The following DLC1 variants were observed in gnomAD, a reference collection of about 807,000 sequenced individuals.
DLC1 encodes the protein DLC1 Rho GTPase activating protein.
Under a neutral mutation model 140.3 loss-of-function variants are expected in DLC1, and 54 were observed. The observed-to-expected ratio is 0.38, with a 90% confidence interval of 0.31 to 0.48. The LOEUF is 0.48. DLC1 is among the 20% of genes least tolerant of loss of function. The pLI, the probability that DLC1 is intolerant of heterozygous loss-of-function variation, is 0.96. For synonymous variants in DLC1, 986 were observed against 728.1 expected, an observed-to-expected ratio of 1.35 and a Z score of -5.70; for missense variants, 2,536 against 1,907.0, an observed-to-expected ratio of 1.33 and a Z score of -6.14.
chr8:13,330,170 G>T (rs1364928801), intron 4 of DLC1, among the ~76,000 whole-genome samples: 1 of 152,000 alleles, frequency 6.6e-6, no homozygotes, highest in Non-Finnish European at 1.5e-5. Flanking sequence ...TTGCTATGTT[G>T]CCCAGGATGG....
intron 5 of DLC1, among the ~76,000 whole-genome samples, chr8:13,164,161 G>C (rs1017756241): frequency 2.6e-5 from 4 of 152,144 alleles, no homozygotes; most frequent in Non-Finnish European, 5.9e-5. Context: ...AGCTGGGTGT[G>C]GTGGCAGGCG....
At chr8:13,586,930 G>C (rs1214004139) in intron 1 of DLC1, among the ~76,000 whole-genome samples, 1 of 152,066 alleles carries the variant, frequency 6.6e-6, no homozygotes, top group East Asian at 1.9e-4. Flanking sequence ...AGACCCACCT[G>C]CATCAGGTGC....
At chr8:13,154,226 C>A (rs1348542415) in intron 5 of DLC1, among the ~76,000 whole-genome samples, 1 of 152,240 alleles carries the variant, frequency 6.6e-6, no homozygotes, top group South Asian at 2.1e-4. Context: ...GCTCCTCAGC[C>A]CTCGGGTGGT....
chr8:13,405,900 TTTC>T (rs1837508586), intron 2 of DLC1, among the ~76,000 whole-genome samples: 1 of 145,122 alleles, frequency 6.9e-6, no homozygotes, highest in South Asian at 2.2e-4. Flanking sequence ...TTTCTTTCTT[TTTC>T]TTTCTTTCTT....
At chr8:13,131,614 G>C (rs1822092048) in intron 5 of DLC1, among the ~76,000 whole-genome samples, 1 of 152,190 alleles carries the variant, frequency 6.6e-6, no homozygotes, top group African/African-American at 2.4e-5. Context: ...TGCAAGCAGG[G>C]GTTTCCTTCT....
At chr8:13,573,464 G>C (rs897952009) in intron 1 of DLC1, among the ~76,000 whole-genome samples, 1 of 152,044 alleles carries the variant, frequency 6.6e-6, no homozygotes, top group African/African-American at 2.4e-5. Flanking sequence ...TTGCATAATT[G>C]CTATGGCTAT....
At chr8:13,523,554 G>A (rs1280689161) in intron 1 of DLC1, among the ~76,000 whole-genome samples, 2 of 152,116 alleles carry the variant, frequency 1.3e-5, no homozygotes, top group African/African-American at 2.4e-5. Context: ...AATCTCAAAC[G>A]TATTTGCAAT....
chr8:13,513,082 T>C (rs905764605), intron 1 of DLC1, among the ~76,000 whole-genome samples: 6 of 151,778 alleles, frequency 4.0e-5, no homozygotes, highest in African/African-American at 1.5e-4. Flanking sequence ...GGCAGGATGA[T>C]GGGATAAAAA....
intron 5 of DLC1, among the ~76,000 whole-genome samples, chr8:13,168,361 T>G: frequency 6.6e-6 from 1 of 152,234 alleles, no homozygotes; most frequent in East Asian, 1.9e-4. Context: ...TATCTAGATC[T>G]CGTTCCAGTT....
intron 1 of DLC1, among the ~76,000 whole-genome samples, chr8:13,538,575 G>A (rs1286759157): frequency 3.9e-5 from 6 of 152,114 alleles, no homozygotes; most frequent in Admixed American, 1.3e-4. Flanking sequence ...AGTTAAGTGA[G>A]GAGTTTACTC....
chr8:13,496,807 TTTTTTTTTTTTG>T (rs538079960), intron 2 of DLC1, among the ~76,000 whole-genome samples: 2,771 of 122,768 alleles, frequency 0.023, 392 homozygotes, highest in African/African-American at 0.082. Context: ...TTTTTTTTTT[TTTTTTTTTTTTG>T]AGATGGAGTT....
chr8:13,599,453 C>T (rs541948113), intron 1 of DLC1, among the ~76,000 whole-genome samples: 1 of 152,018 alleles, frequency 6.6e-6, no homozygotes, highest in East Asian at 1.9e-4. Context: ...TTCTTTCTAA[C>T]ATTTTTGTGT....
chr8:13,304,572 A>C, intron 5 of DLC1: 1 of 704,966 alleles, frequency 1.4e-6, no homozygotes, highest in Non-Finnish European at 1.7e-6. Flanking sequence ...TATAGCTCTT[A>C]AAAATCACAA....
At chr8:13,563,784 A>G (rs886746769) in intron 1 of DLC1, among the ~76,000 whole-genome samples, 3 of 152,228 alleles carry the variant, frequency 2.0e-5, no homozygotes, top group African/African-American at 7.2e-5. Flanking sequence ...ATAGCAAAAA[A>G]ACTAGAAATA....
chr8:13,520,942 A>C (rs1380455368), intron 1 of DLC1, among the ~76,000 whole-genome samples: 1 of 152,104 alleles, frequency 6.6e-6, no homozygotes, highest in Admixed American at 6.6e-5. Context: ...TTCATGGCCA[A>C]AAAAAGGGTC....
chr8:13,133,127 C>T (rs980584973), intron 5 of DLC1: 1 of 1,459,846 alleles, frequency 6.9e-7, no homozygotes, highest in African/African-American at 1.4e-5. Flanking sequence ...CCCTGCCCCT[C>T]GTCACGGCCC....
At chr8:13,573,875 C>G (rs1301674482) in intron 1 of DLC1, among the ~76,000 whole-genome samples, 2 of 152,120 alleles carry the variant, frequency 1.3e-5, no homozygotes, top group Admixed American at 6.5e-5. Flanking sequence ...TTTTATGACA[C>G]TTGTGGCTTA....
intron 5 of DLC1, among the ~76,000 whole-genome samples, chr8:13,282,827 T>C (rs1831410397): frequency 6.6e-6 from 1 of 152,192 alleles, no homozygotes; most frequent in Non-Finnish European, 1.5e-5. Flanking sequence ...ATGTGTCTTT[T>C]TGATGAGACT....
At chr8:13,463,651 C>G (rs1799784312) in intron 2 of DLC1, among the ~76,000 whole-genome samples, 1 of 152,200 alleles carries the variant, frequency 6.6e-6, no homozygotes, top group Non-Finnish European at 1.5e-5. Flanking sequence ...GGGCTAGTCA[C>G]TTCTGGTCAT....
Sources: gnomAD v4.1 joint callset for allele counts (sites outside exome capture counted in the v4.1 genomes callset) on GRCh38, gnomAD v4.1.1 for gene constraint, MANE v1.5 for transcripts, NCBI Gene and HGNC (gene_info 2026-07-23, HGNC 2026-07-21) for gene names.